Variants in ACIN1 observed in about 807,000 individuals in gnomAD.
ACIN1 encodes apoptotic chromatin condensation inducer in the nucleus.
Under a neutral mutation model 146.6 loss-of-function variants are expected in ACIN1, and 16 were observed. The observed-to-expected ratio is 0.11, with a 90% confidence interval of 0.07 to 0.17. The LOEUF (loss-of-function observed/expected upper bound fraction) is 0.17. Ranked by LOEUF, ACIN1 falls within the 10% of genes least tolerant of loss-of-function variation. The pLI, the probability that ACIN1 is intolerant of heterozygous loss-of-function variation, is 1.00. For synonymous variants in ACIN1, 569 were observed against 582.7 expected, an observed-to-expected ratio of 0.98 and a Z score of 0.34; for missense variants, 1,357 against 1,609.3, an observed-to-expected ratio of 0.84 and a Z score of 2.68.
At position 23,061,192 on chromosome 14, in the gene ACIN1, G is replaced by A. The variant is rs1483877558; in HGVS notation, c.3425-8C>T. ...GTTCCTCCTGGGCTTTCTCTGAGGTGGAAAAAAGTGAACCAGATATGATGC... is the reference window on the plus strand; with the variant it reads ...GTTCCTCCTGGGCTTTCTCTGAGGTAGAAAAAAGTGAACCAGATATGATGC... On this transcript the variant is annotated splice_region_variant and splice_polypyrimidine_tract_variant and intron_variant, in intron 17 of 18. Coordinates refer to ENST00000605057, the MANE Select transcript of ACIN1 (RefSeq NM_001386863.1). The A allele has an allele frequency of 4.3e-6, 7 of 1,613,942 alleles. No individual in the cohort carries two copies. Among genetic ancestry groups the A allele is most frequent in the Non-Finnish European group, 5.9e-6 (7 of 1,179,990 alleles).
At position 23,067,332 on chromosome 14, in the gene ACIN1, C is replaced by A; in HGVS notation, c.2266-1324G>T. 1.0e-6 allele frequency: 1 copy of A among 985,720 alleles called. No homozygotes were observed. The highest frequency in any genetic ancestry group is 1.2e-6 in the Non-Finnish European group (1 of 829,912). The allele number at this position is 985,720 out of a possible 1,614,324, so 61.1% of individuals were successfully genotyped here. ...CTCACACCTGGGATCTTCAGTTCAG[C>A]CAATCGCACCTCACTGTGTACTGTA... On this transcript the variant is annotated intron_variant, in intron 9 of 18. Coordinates refer to ENST00000605057, the MANE Select transcript of ACIN1 (RefSeq NM_001386863.1). The surrounding 1 kb of genome is among the most constrained non-coding windows in gnomAD (Gnocchi z 4.6).
rs535321454 is a variant in ACIN1 at position 23,062,977 on chromosome 14, G to C, written c.2835C>G (p.Pro945=). The part of the protein sequence containing the change: ...IDDPVRTAQV[P]SPPRGKISNI... ...TGCTAATCTTGCCCCGGGGTGGGGA[G>C]GGCACCTGGGCAGTTCGGACTGGGT... The change falls in exon 14 of 19, where the codon CCC becomes CCG. Residue 945 remains proline (P), a synonymous_variant. Coordinates refer to ENST00000605057, the MANE Select transcript of ACIN1 (RefSeq NM_001386863.1). 6.2e-7 allele frequency: 1 copy of C among 1,612,822 alleles called. No homozygotes were observed. Among genetic ancestry groups the C allele is most frequent in the African/African-American group, 1.3e-5 (1 of 74,948 alleles).
At position 23,068,142 on chromosome 14, in the gene ACIN1, G is replaced by C; in HGVS notation, c.2265+1334C>G. 1.0e-6 allele frequency: 1 copy of C among 985,926 alleles called. No individual in the cohort carries two copies. The highest frequency in any genetic ancestry group is 1.2e-6 in the Non-Finnish European group (1 of 829,996). 61.1% of individuals were successfully genotyped at this position (985,926 alleles called of 1,614,324 possible). Reference sequence around the variant, plus strand: ...GGCTGTCATCAGCATTAAATCCCCAGGGGCTCAGACCCTAGACTCCTCTGC... The same window carrying C: ...GGCTGTCATCAGCATTAAATCCCCACGGGCTCAGACCCTAGACTCCTCTGC... On this transcript the variant is annotated intron_variant, in intron 9 of 18. Transcript: ENST00000605057. This position sits in a 1 kb window ranked among gnomAD's most constrained non-coding sequence, Gnocchi z 4.3.
chr14:23,089,174 G>A (rs2048163048), intron 4 of ACIN1, among the ~76,000 whole-genome samples: 1 of 152,128 alleles, frequency 6.6e-6, no homozygotes, highest in Non-Finnish European at 1.5e-5. Flanking sequence ...CCGAGTCACT[G>A]GGATTACAGG....
rs1012190593 is a variant in ACIN1, at chr14:23,067,049, G to A, written c.2266-1041C>T. Among the ~76,000 whole-genome samples, 4 of 151,784 alleles carry A rather than the reference G, an allele frequency of 2.6e-5. No homozygotes were observed. Among genetic ancestry groups the A allele is most frequent in the Non-Finnish European group, 4.4e-5 (3 of 67,974 alleles). On this transcript the variant is annotated intron_variant, in intron 9 of 18. Coordinates refer to ENST00000605057, the MANE Select transcript of ACIN1 (RefSeq NM_001386863.1). The surrounding 1 kb of genome is among the most constrained non-coding windows in gnomAD (Gnocchi z 4.6). ...CCCCACCCGCAGCCCCGTTTGTGTC[G>A]TCTAACCAAGTCTCCTTGGTCTCTG... is the stretch of plus-strand genomic sequence containing the variant.
intron 18 of ACIN1, 124 bp from the exon 19 acceptor site, chr14:23,059,598 CTCAACAACTGCATCCTG>C (rs1289872878): frequency 1.4e-6 from 1 of 706,374 alleles, no homozygotes; most frequent in African/African-American, 1.8e-5. Flanking sequence ...GGGTTGGGGG[CTCAACAACTGCATCCTG>C]TCTTTCTTAG....
rs935312451 is a variant in ACIN1 at position 23,074,028 on chromosome 14, CG to C, written c.2123+4122del. On this transcript the variant is annotated intron_variant, in intron 8 of 18. Coordinates refer to ENST00000605057, the MANE Select transcript of ACIN1 (RefSeq NM_001386863.1). ...TAATTTTTTGTATTTTTAGTAGAAA[CG>C]GGGTTTCACTGTGTCAGCTAGGATG... 1.3e-4 allele frequency among the ~76,000 whole-genome samples: 20 copies of C among 151,590 alleles called. 1 individual carries two copies. The highest frequency in any genetic ancestry group is 4.6e-4 in the African/African-American group (19 of 41,404).
At position 23,062,180 on chromosome 14, in the gene ACIN1, G is replaced by A. The variant is rs577654187; in HGVS notation, c.3087C>T (p.Ala1029=). The A allele has an allele frequency of 2.9e-5, 47 of 1,613,654 alleles. No individual in the cohort carries two copies. The highest frequency in any genetic ancestry group is 2.2e-4 in the East Asian group (10 of 44,864). Residue 1029 remains alanine (A), a synonymous_variant, in exon 16 of 19, where the codon GCC becomes GCT. Transcript: ENST00000605057. The part of the protein sequence containing the change: ...SNPKFLCADY[A]EQDELDYHRG... ...CTAGGTTTCTTACCTCATCTTGCTC[G>A]GCATAGTCAGCACAAAGGAATTTGG...
At chr14:23,060,678 A>T (rs1342751815) in intron 18 of ACIN1, among the ~76,000 whole-genome samples, 1 of 151,968 alleles carries the variant, frequency 6.6e-6, no homozygotes, top group Non-Finnish European at 1.5e-5. Context: ...CACCCGGCTA[A>T]TTTTTGTTAT....
chr14:23,085,042 G>A (rs960492783), intron 4 of ACIN1, among the ~76,000 whole-genome samples: 2 of 152,118 alleles, frequency 1.3e-5, no homozygotes, highest in African/African-American at 4.8e-5. Flanking sequence ...GTTGGTCAGA[G>A]ATAAATGTGT....
intron 12 of ACIN1, 69 bp downstream of exon 12, chr14:23,064,036 C>A: frequency 1.3e-6 from 2 of 1,588,048 alleles, no homozygotes; most frequent in South Asian, 1.1e-5. Context: ...TTTATCTCAG[C>A]TCCTCAGCTA....
At chr14:23,070,080 C>A (rs1183742891) in intron 8 of ACIN1, among the ~76,000 whole-genome samples, 4 of 151,754 alleles carry the variant, frequency 2.6e-5, no homozygotes, top group Non-Finnish European at 5.9e-5. Context: ...CTTAAAAAGA[C>A]AAGAAAGAAT....
rs191257157 is a variant in ACIN1 at position 23,066,049 on chromosome 14, G to A, written c.2266-41C>T. ...AAAGGGGAAAAAAAAGAGAAAGAGA[G>A]ACACCCCACAGAGAGGGGGGAAGGA... On this transcript the variant is annotated intron_variant, in intron 9 of 18. Coordinates refer to ENST00000605057, the MANE Select transcript of ACIN1 (RefSeq NM_001386863.1). 55 of 1,578,714 alleles carry A rather than the reference G, an allele frequency of 3.5e-5. No individual in the cohort carries two copies. In the East Asian group the frequency reaches 1.1e-3, roughly 30 times the overall value.
In ACIN1 at chr14:23,094,849, C is replaced by T. The variant is rs866920134; in HGVS notation, c.138+126G>A. 60 of 1,349,708 alleles carry T rather than the reference C, an allele frequency of 4.4e-5. No individual in the cohort carries two copies. The Middle Eastern group carries it at 2.1e-3, about 48-fold the overall frequency. 83.6% of individuals were successfully genotyped at this position (1,349,708 alleles called of 1,614,324 possible). On this transcript the variant is annotated intron_variant, in intron 1 of 18. Transcript: ENST00000605057. ...TCATCAACCACCGTGCGCGCGGATCCAGAGGCTCGCGCTGGCGGCCTGAGC... is the reference window on the plus strand; with the variant it reads ...TCATCAACCACCGTGCGCGCGGATCTAGAGGCTCGCGCTGGCGGCCTGAGC...
At chr14:23,065,818 T>C in intron 10 of ACIN1, 148 bp downstream of exon 10, 3 of 675,360 alleles carry the variant, frequency 4.4e-6, no homozygotes, top group Admixed American at 2.7e-5. Flanking sequence ...AAACCCTACA[T>C]AGGAAAGGAT....
intron 8 of ACIN1, chr14:23,071,576 C>G: frequency 6.5e-7 from 1 of 1,544,416 alleles, no homozygotes. Flanking sequence ...ACCCAGCAGC[C>G]TGTGTGTGCG....
At chr14:23,087,669 TAAG>T (rs1429225719) in intron 4 of ACIN1, among the ~76,000 whole-genome samples, 2 of 151,928 alleles carry the variant, frequency 1.3e-5, no homozygotes, top group African/African-American at 2.4e-5. Context: ...ATGGTCCTAT[TAAG>T]AATTTTCAAT....
intron 13 of ACIN1, 164 bp from the exon 14 acceptor site, chr14:23,063,238 T>TC (rs1024243680): frequency 9.2e-5 from 101 of 1,101,992 alleles, no homozygotes; most frequent in Middle Eastern, 6.0e-4. Flanking sequence ...TAGGCTAACC[T>TC]CCTCATCATG....
In ACIN1 at chr14:23,059,202, G is replaced by A. The variant is rs1468565610; in HGVS notation, c.3798C>T (p.His1266=). 6.2e-7 allele frequency: 1 copy of A among 1,613,940 alleles called. No homozygotes were observed. Among genetic ancestry groups the A allele is most frequent in the South Asian group, 1.1e-5 (1 of 91,052 alleles). ...RERDRRDTKR[H]SRSRSRSTPV... is the part of the protein sequence containing the mutation. The stretch of plus-strand genomic sequence containing the variant: ...GTGTGCTCCGACTCCGGCTTCTGCT[G>A]TGGCGCTTGGTGTCCCTGCGATCCC... The change falls in exon 19 of 19, where the codon CAC becomes CAT. Residue 1266 remains histidine, a synonymous_variant. Coordinates refer to ENST00000605057, the MANE Select transcript of ACIN1 (RefSeq NM_001386863.1).
Sources: allele counts gnomAD v4.1 joint callset (sites outside exome capture counted in the v4.1 genomes callset), GRCh38; gene constraint gnomAD v4.1.1; non-coding constraint Gnocchi (gnomAD v3.1); transcripts MANE v1.5; gene names NCBI Gene and HGNC (gene_info 2026-07-23, HGNC 2026-07-21).